The following DNAJC6 variants were observed in gnomAD, a reference collection of about 807,000 sequenced individuals.
DNAJC6 encodes DnaJ heat shock protein family (Hsp40) member C6.
Under a neutral mutation model 110.0 loss-of-function variants are expected in DNAJC6, and 34 were observed. The observed-to-expected ratio is 0.31, with a 90% confidence interval of 0.24 to 0.41. DNAJC6 has a LOEUF of 0.41. Ranked by LOEUF, DNAJC6 falls within the 10% of genes least tolerant of loss-of-function variation. The pLI is 1.00. For missense variants in DNAJC6, 1,031 were observed against 1,207.8 expected, an observed-to-expected ratio of 0.85 and a Z score of 2.17; for synonymous variants, 406 against 437.2, an observed-to-expected ratio of 0.93 and a Z score of 0.89.
rs796454802 is a variant in DNAJC6, at chr1:65,387,609, T to C, written c.1113+680T>C. The stretch of plus-strand genomic sequence containing the variant: ...AATGTTTTTGAAGCTTATTGTGTTA[T>C]AGCATGTGTCAGTACTTCATTATCT... On this transcript the variant is annotated intron_variant, in intron 8 of 18. Coordinates refer to ENST00000371069, the MANE Select transcript of DNAJC6 (RefSeq NM_001256864.2). Among the ~76,000 whole-genome samples, 5 of 152,274 alleles carry C rather than the reference T, an allele frequency of 3.3e-5. No homozygotes were observed. In the South Asian group the frequency reaches 1.0e-3, roughly 31 times the overall value.
intron 1 of DNAJC6, among the ~76,000 whole-genome samples, chr1:65,334,093 G>A (rs1645312818): frequency 6.6e-6 from 1 of 152,164 alleles, no homozygotes; most frequent in East Asian, 1.9e-4. Flanking sequence ...TCTTTGGAGA[G>A]GATGATAACA....
chr1:65,284,979 C>T (rs752586751), intron 1 of DNAJC6, among the ~76,000 whole-genome samples: 8 of 152,144 alleles, frequency 5.3e-5, no homozygotes, highest in African/African-American at 1.4e-4. Flanking sequence ...TGAGCCACTG[C>T]GCCTGGCTGA....
At chr1:65,373,040 A>C (rs1010010060) in intron 4 of DNAJC6, among the ~76,000 whole-genome samples, 2 of 152,144 alleles carry the variant, frequency 1.3e-5, no homozygotes, top group African/African-American at 4.8e-5. Context: ...TAGTTTCTGC[A>C]TATGAGTAAA....
At chr1:65,405,038 G>C (rs910872893) in intron 15 of DNAJC6, among the ~76,000 whole-genome samples, 1 of 152,078 alleles carries the variant, frequency 6.6e-6, no homozygotes, top group African/African-American at 2.4e-5. Flanking sequence ...ACATGAAAGG[G>C]TCTTTGGACA....
At chr1:65,387,809 T>C (rs1645886882) in intron 8 of DNAJC6, among the ~76,000 whole-genome samples, 1 of 152,216 alleles carries the variant, frequency 6.6e-6, no homozygotes, top group Non-Finnish European at 1.5e-5. Flanking sequence ...GTGAGTGCTT[T>C]GTGCCAGCCA....
At chr1:65,357,753 T>C (rs1331588757) in intron 1 of DNAJC6, among the ~76,000 whole-genome samples, 1 of 152,160 alleles carries the variant, frequency 6.6e-6, no homozygotes, top group Non-Finnish European at 1.5e-5. Flanking sequence ...GCTGAGAAAC[T>C]TGTGTGGCTG....
intron 1 of DNAJC6, among the ~76,000 whole-genome samples, chr1:65,280,977 C>G (rs1227619951): frequency 6.6e-6 from 1 of 152,108 alleles, no homozygotes; most frequent in African/African-American, 2.4e-5. Context: ...GCTCTATCAC[C>G]CAGGCTGGAG....
chr1:65,399,278 G>C (rs1327765429), intron 14 of DNAJC6, among the ~76,000 whole-genome samples: 1 of 152,114 alleles, frequency 6.6e-6, no homozygotes, highest in African/African-American at 2.4e-5. Context: ...ACTTATATAA[G>C]AATTTCTGGC....
intron 9 of DNAJC6, among the ~76,000 whole-genome samples, chr1:65,388,677 A>G (rs192512676): frequency 6.6e-6 from 1 of 152,348 alleles, no homozygotes; most frequent in East Asian, 1.9e-4. Flanking sequence ...AAGCGGGACA[A>G]AGTATCACTG....
chr1:65,302,228 CTATTA>C (rs1644992190), intron 1 of DNAJC6, among the ~76,000 whole-genome samples: 1 of 66,960 alleles, frequency 1.5e-5, no homozygotes, highest in Non-Finnish European at 2.9e-5. Flanking sequence ...ATATAATATA[CTATTA>C]TATTGATATA....
At chr1:65,277,895 C>G (rs1653724234) in intron 1 of DNAJC6, among the ~76,000 whole-genome samples, 1 of 152,098 alleles carries the variant, frequency 6.6e-6, no homozygotes, top group East Asian at 1.9e-4. Context: ...CAAGAGCTTC[C>G]AAGTAAGCAC....
intron 15 of DNAJC6, among the ~76,000 whole-genome samples, chr1:65,404,370 T>A (rs1201830188): frequency 6.6e-6 from 1 of 152,218 alleles, no homozygotes; most frequent in African/African-American, 2.4e-5. Flanking sequence ...ATACCTGTGA[T>A]ATAGACATAG....
At position 65,412,989 on chromosome 1, in the gene DNAJC6, T is replaced by G; in HGVS notation, c.2877T>G (p.Ser959=). The change falls in exon 19 of 19, where the codon TCT becomes TCG. Residue 959 remains serine, a synonymous_variant. Transcript: ENST00000371069. ...MIFMELNDAW[S]EFENQGQKPL... ...TCATGGAGCTCAATGATGCCTGGTC[T>G]GAATTTGAAAACCAAGGCCAAAAGC... 6.2e-7 allele frequency: 1 copy of G among 1,614,140 alleles called. No homozygotes were observed. Among genetic ancestry groups the G allele is most frequent in the Non-Finnish European group, 8.5e-7 (1 of 1,180,002 alleles).
intron 1 of DNAJC6, among the ~76,000 whole-genome samples, chr1:65,265,542 G>A (rs1260393913): frequency 6.6e-6 from 1 of 152,204 alleles, no homozygotes; most frequent in Non-Finnish European, 1.5e-5. Flanking sequence ...AATTCTGTTA[G>A]AGGGATGGGG....
In DNAJC6 at chr1:65,309,849, T is replaced by C; in HGVS notation, c.104T>C (p.Val35Ala). The C allele has an allele frequency of 6.5e-7, 1 of 1,546,494 alleles. No homozygotes were observed. The highest frequency in any genetic ancestry group is 8.7e-7 in the Non-Finnish European group (1 of 1,145,162). Reference protein sequence around the residue: ...NGDLSAGSGGVGGKQRVNAGA... With the variant: ...NGDLSAGSGGAGGKQRVNAGA... ...GACTTAAGTGCGGGAAGCGGCGGGG[T>C]TGGCGGCAAGCAGAGAGTGAACGCC... The change falls in exon 1 of 19, where the codon GTT (valine) becomes GCT (alanine). Residue 35 changes from valine (V) to alanine (A), a missense_variant. Physicochemically the swap from Val to Ala is moderately conservative, Grantham distance 64. Coordinates refer to ENST00000371069, the MANE Select transcript of DNAJC6 (RefSeq NM_001256864.2).
At chr1:65,315,403 C>T (rs1026889162) in intron 1 of DNAJC6, among the ~76,000 whole-genome samples, 1 of 151,860 alleles carries the variant, frequency 6.6e-6, no homozygotes, top group African/African-American at 2.4e-5. Context: ...GTATTCTCTC[C>T]CCTCCCTGAT....
intron 1 of DNAJC6, among the ~76,000 whole-genome samples, chr1:65,318,661 T>A (rs923135868): frequency 6.6e-6 from 1 of 152,068 alleles, no homozygotes; most frequent in South Asian, 2.1e-4. Flanking sequence ...TGAGAACACA[T>A]GGACACATGG....
At chr1:65,288,363 AC>A (rs569296849) in intron 1 of DNAJC6, among the ~76,000 whole-genome samples, 10 of 152,216 alleles carry the variant, frequency 6.6e-5, no homozygotes, top group Non-Finnish European at 1.2e-4. Flanking sequence ...CTTAACTCTA[AC>A]ATGAAAAATT....
chr1:65,342,023 A>G (rs1053491067), intron 1 of DNAJC6, among the ~76,000 whole-genome samples: 1 of 152,144 alleles, frequency 6.6e-6, no homozygotes, highest in African/African-American at 2.4e-5. Context: ...TCTTGCAAAT[A>G]TCCTTAGATT....
Sources: allele counts gnomAD v4.1 joint callset (sites outside exome capture counted in the v4.1 genomes callset), GRCh38; gene constraint gnomAD v4.1.1; transcripts MANE v1.5; gene names NCBI Gene and HGNC (gene_info 2026-07-23, HGNC 2026-07-21).